The following TMPRSS3 variants were observed in gnomAD, a reference collection of about 807,000 sequenced individuals.
TMPRSS3 encodes the protein transmembrane serine protease 3.
In TMPRSS3, 55 loss-of-function variants were observed where a neutral mutation model predicts 59.6. That is an observed-to-expected ratio of 0.92 (90% CI 0.74 to 1.16). TMPRSS3 has a LOEUF of 1.16. Among genes scored for constraint, TMPRSS3 ranks in the 50% most tolerant of loss-of-function variants. The pLI is 0.00. For synonymous variants in TMPRSS3, 257 were observed against 237.7 expected, an observed-to-expected ratio of 1.08 and a Z score of -0.75; for missense variants, 596 against 579.4, an observed-to-expected ratio of 1.03 and a Z score of -0.29.
chr21:42,383,770 C>T, intron 7 of TMPRSS3, 200 bp downstream of exon 7: 2 of 718,378 alleles, frequency 2.8e-6, no homozygotes, highest in Non-Finnish European at 5.2e-6. Flanking sequence ...CTGGCTGTCT[C>T]CCCCACCTGA....
chr21:42,375,820 A>G lies in TMPRSS3; in HGVS notation c.1240T>C (p.Leu414=), dbSNP rs1327938595. The G allele has an allele frequency of 6.2e-7, 1 of 1,613,314 alleles. No homozygotes were observed. Among genetic ancestry groups the G allele is most frequent in the African/African-American group, 1.3e-5 (1 of 74,822 alleles). Residue 414 remains leucine (L), a synonymous_variant, in exon 12 of 13, where the codon TTA becomes CTA. Coordinates refer to ENST00000644384, the MANE Select transcript of TMPRSS3 (RefSeq NM_001256317.3). ...ATGCCAAAGCTGGTCGCTCCCACTA[A>G]CTTCCACAGCCTCCTCTCTTGACAC... ...LVCQERRLWK[L]VGATSFGIGC...
intron 8 of TMPRSS3, 176 bp downstream of exon 8, chr21:42,382,857 C>G: frequency 1.3e-6 from 1 of 747,388 alleles, no homozygotes; most frequent in Admixed American, 2.1e-5. Context: ...CAAGTTACCC[C>G]CAGCTGATGA....
chr21:42,381,416 G>A (rs974644319), intron 9 of TMPRSS3, among the ~76,000 whole-genome samples: 3 of 152,238 alleles, frequency 2.0e-5, no homozygotes, highest in Admixed American at 1.3e-4. Flanking sequence ...GCCAGCCTGG[G>A]AGGTTCTGTT....
chr21:42,391,794 G>C (rs781381165), intron 2 of TMPRSS3, among the ~76,000 whole-genome samples: 9 of 152,202 alleles, frequency 5.9e-5, no homozygotes, highest in Non-Finnish European at 1.2e-4. Context: ...AACTGTGGCA[G>C]GCTAAATTTT....
At chr21:42,384,148 T>C in intron 6 of TMPRSS3, 135 bp from the exon 7 acceptor site, 1 of 767,476 alleles carries the variant, frequency 1.3e-6, no homozygotes, top group Non-Finnish European at 2.0e-6. Context: ...ACAATTTTAG[T>C]CTATGTTCAA....
chr21:42,372,998 G>A (rs1264858013), intron 12 of TMPRSS3, among the ~76,000 whole-genome samples: 4 of 152,112 alleles, frequency 2.6e-5, no homozygotes, highest in African/African-American at 4.8e-5. Flanking sequence ...TCCCATCTCC[G>A]CCCTGCGACA....
At chr21:42,393,820 T>C (rs2052764505) in intron 2 of TMPRSS3, among the ~76,000 whole-genome samples, 1 of 152,214 alleles carries the variant, frequency 6.6e-6, no homozygotes, top group South Asian at 2.1e-4. Context: ...AATAAAACTT[T>C]ATTTACAAAA....
chr21:42,385,426 G>C lies in TMPRSS3; in HGVS notation c.555C>G (p.His185Gln). 1 of 1,614,080 alleles carries C rather than the reference G, an allele frequency of 6.2e-7. No individual in the cohort carries two copies. The highest frequency in any genetic ancestry group is 8.5e-7 in the Non-Finnish European group (1 of 1,179,992). ...CCACCTACCTCACATATACTGAGTG[G>C]TGTAATGCAGTCACCTTGTCATCTG... The part of the protein sequence containing the change: ...LLPDDKVTAL[H>Q]HSVYVREGCA... The change falls in exon 6 of 13, where the codon CAC (histidine) becomes CAG (glutamine). Residue 185 changes from histidine (H) to glutamine (Q), a missense_variant. His to Gln is a conservative substitution (Grantham distance 24). Coordinates refer to ENST00000644384, the MANE Select transcript of TMPRSS3 (RefSeq NM_001256317.3).
chr21:42,381,208 G>A (rs1202138392), intron 9 of TMPRSS3, among the ~76,000 whole-genome samples: 2 of 152,176 alleles, frequency 1.3e-5, no homozygotes, highest in Non-Finnish European at 2.9e-5. Context: ...TTGCATCTAC[G>A]AGATGTTTGA....
At chr21:42,395,714 C>T in intron 1 of TMPRSS3, 1 of 410,078 alleles carries the variant, frequency 2.4e-6, no homozygotes. Flanking sequence ...TCTGCTAAGA[C>T]AATGACTTTC....
At chr21:42,393,089 C>T (rs775943038) in intron 2 of TMPRSS3, among the ~76,000 whole-genome samples, 3 of 152,124 alleles carry the variant, frequency 2.0e-5, no homozygotes, top group Non-Finnish European at 4.4e-5. Flanking sequence ...ACTAAAAATA[C>T]AAAAATTAGC....
chr21:42,395,693 A>G (rs2146462473), intron 1 of TMPRSS3: 1 of 434,100 alleles, frequency 2.3e-6, no homozygotes, highest in Admixed American at 3.6e-5. Context: ...AAAAAAAAGT[A>G]TGAACTTAAT....
chr21:42,377,804 G>T (rs377380337), intron 10 of TMPRSS3, among the ~76,000 whole-genome samples: 33 of 152,360 alleles, frequency 2.2e-4, no homozygotes, highest in African/African-American at 7.9e-4. Context: ...TGGCGAAACA[G>T]CTCAATGCAT....
At chr21:42,389,127 G>A in intron 3 of TMPRSS3, 82 bp from the exon 4 acceptor site, 1 of 1,595,562 alleles carries the variant, frequency 6.3e-7, no homozygotes, top group Non-Finnish European at 8.5e-7. Context: ...GCCACACAGT[G>A]CGGAGCTGGC....
intron 12 of TMPRSS3, 113 bp downstream of exon 12, chr21:42,375,603 T>C (rs2052411244): frequency 1.4e-6 from 2 of 1,396,994 alleles, no homozygotes; most frequent in African/African-American, 1.4e-5. Flanking sequence ...TGCTGCTGAA[T>C]TGACAACCAC....
At chr21:42,384,070 A>T in intron 6 of TMPRSS3, 57 bp from the exon 7 acceptor site, 1 of 1,523,234 alleles carries the variant, frequency 6.6e-7, no homozygotes, top group South Asian at 1.1e-5. Flanking sequence ...TGAAAGGAAC[A>T]CTCTTAAAAA....
intron 2 of TMPRSS3, 100 bp from the exon 3 acceptor site, chr21:42,390,137 A>G: frequency 1.1e-6 from 1 of 944,854 alleles, no homozygotes; most frequent in Non-Finnish European, 1.7e-6. Flanking sequence ...CCCTCTTTGC[A>G]GAGAAGTCTC....
chr21:42,378,116 C>G (rs1327755628), intron 10 of TMPRSS3, among the ~76,000 whole-genome samples: 2 of 152,264 alleles, frequency 1.3e-5, no homozygotes, highest in African/African-American at 4.8e-5. Flanking sequence ...GCTAGAAAGG[C>G]CCTGGACCAG....
At chr21:42,374,077 G>A (rs754017841) in intron 12 of TMPRSS3, among the ~76,000 whole-genome samples, 7 of 152,220 alleles carry the variant, frequency 4.6e-5, no homozygotes, top group African/African-American at 7.2e-5. Context: ...GTGCCCACGC[G>A]ACCCTTCTGT....
Sources: allele counts gnomAD v4.1 joint callset (sites outside exome capture counted in the v4.1 genomes callset), GRCh38; gene constraint gnomAD v4.1.1; transcripts MANE v1.5; gene names NCBI Gene and HGNC (gene_info 2026-07-23, HGNC 2026-07-21).